ZMAT2: variants seen among roughly 807,000 people sequenced by gnomAD.
ZMAT2 encodes the protein zinc finger matrin-type 2.
In ZMAT2, 5 loss-of-function variants were observed where a neutral mutation model predicts 27.5. The observed-to-expected ratio is 0.18, with a 90% CI of 0.10 to 0.38. ZMAT2 has a LOEUF of 0.38. Among genes scored for constraint, ZMAT2 ranks in the 10% least tolerant of loss-of-function variants. The pLI is 1.00. For synonymous variants in ZMAT2, 76 were observed against 78.6 expected (o/e 0.97, Z 0.17); for missense variants, 124 against 243.9 (o/e 0.51, Z 3.27).
At chr5:140,701,984 T>G (rs1759972247) in intron 2 of ZMAT2, 22 bp from the exon 3 acceptor site, 8 of 1,597,750 alleles carry the variant, frequency 5.0e-6, no homozygotes, top group Non-Finnish European at 6.8e-6. Flanking sequence ...TTGAAGGGAC[T>G]TCCTTCCCCA....
At chr5:140,701,714 C>T (rs1422522278) in intron 2 of ZMAT2, among the ~76,000 whole-genome samples, 1 of 152,176 alleles carries the variant, frequency 6.6e-6, no homozygotes, top group Admixed American at 6.5e-5. Context: ...AAAGTTGCTT[C>T]TAGTAATTCT....
intron 1 of ZMAT2, 89 bp from the exon 2 acceptor site, chr5:140,700,730 G>C: frequency 1.4e-6 from 2 of 1,466,746 alleles, no homozygotes; most frequent in Non-Finnish European, 1.9e-6. Flanking sequence ...AAAACGTCCT[G>C]TAGACACCTG....
rs144725161 is a variant in ZMAT2, at chr5:140,705,693, G to C, written c.537G>C (p.Glu179Asp). 3.7e-6 allele frequency: 6 copies of C among 1,614,032 alleles called. No individual in the cohort carries two copies. The highest frequency in any genetic ancestry group is 5.1e-6 in the Non-Finnish European group (6 of 1,180,028). Residue 179 changes from glutamate to aspartate, a missense_variant, in exon 6 of 6, where the codon GAG becomes GAC. Physicochemically the swap from Glu to Asp is conservative, Grantham distance 45. Coordinates refer to ENST00000274712, the MANE Select transcript of ZMAT2 (RefSeq NM_144723.3). Reference protein sequence around the residue: ...RRAEEDLTFEEDDEMAAVMGF... With the variant: ...RRAEEDLTFEDDDEMAAVMGF... The stretch of plus-strand genomic sequence containing the variant: ...CTGAGGAGGACTTGACATTTGAGGA[G>C]GACGATGAGATGGCAGCTGTGATGG...
chr5:140,700,754 C>T (rs1161146341), intron 1 of ZMAT2, 65 bp from the exon 2 acceptor site: 22 of 1,560,860 alleles, frequency 1.4e-5, no homozygotes, highest in Non-Finnish European at 1.8e-5. Context: ...CGCGAGGGCG[C>T]GGTTCCCTGC....
At chr5:140,700,724 C>A in intron 1 of ZMAT2, 95 bp from the exon 2 acceptor site, 2 of 1,419,386 alleles carry the variant, frequency 1.4e-6, no homozygotes, top group African/African-American at 1.4e-5. Context: ...GCTTTCAAAA[C>A]GTCCTGTAGA....
chr5:140,702,219 G>T, intron 3 of ZMAT2, 90 bp downstream of exon 3: 2 of 1,498,674 alleles, frequency 1.3e-6, no homozygotes, highest in Non-Finnish European at 9.0e-7. Context: ...GAAGGTCCTT[G>T]GCCCCAGGAT....
In ZMAT2 at chr5:140,701,991, C is replaced by A; in HGVS notation, c.113-15C>A. 6.2e-7 allele frequency: 1 copy of A among 1,601,284 alleles called. No homozygotes were observed. Among genetic ancestry groups the A allele is most frequent in the Non-Finnish European group, 8.5e-7 (1 of 1,174,078 alleles). On this transcript the variant is annotated splice_polypyrimidine_tract_variant and intron_variant, in intron 2 of 5. Coordinates refer to ENST00000274712, the MANE Select transcript of ZMAT2 (RefSeq NM_144723.3). Reference sequence around the variant, plus strand: ...CTATAATATTGAAGGGACTTCCTTCCCCATTATGTTTCAGGAAAACCAGTG... The same window carrying A: ...CTATAATATTGAAGGGACTTCCTTCACCATTATGTTTCAGGAAAACCAGTG...
chr5:140,704,669 A>G, intron 5 of ZMAT2, 98 bp downstream of exon 5: 3 of 1,324,296 alleles, frequency 2.3e-6, no homozygotes, highest in Non-Finnish European at 2.1e-6. Flanking sequence ...TCCCACCCCC[A>G]GAGTTGTATC....
At chr5:140,701,642 T>G (rs1167706865) in intron 2 of ZMAT2, among the ~76,000 whole-genome samples, 1 of 152,238 alleles carries the variant, frequency 6.6e-6, no homozygotes, top group African/African-American at 2.4e-5. Flanking sequence ...GAAGGTTCCT[T>G]TCCGTTATGC....
intron 3 of ZMAT2, 60 bp downstream of exon 3, chr5:140,702,189 T>C: frequency 6.3e-7 from 1 of 1,595,072 alleles, no homozygotes; most frequent in Non-Finnish European, 8.6e-7. Context: ...CCACCTATTT[T>C]GGTTTTAGGA....
chr5:140,705,974 C>T lies in ZMAT2; in HGVS notation c.*218C>T, dbSNP rs1442490704. On this transcript the variant is annotated 3_prime_UTR_variant, in exon 6 of 6. Transcript: ENST00000274712. ...GCATATTGCTTCTGCCTCAGTGTATCACTGGAGTCACAGGACCCTGCCCAC... is the reference window on the plus strand; with the variant it reads ...GCATATTGCTTCTGCCTCAGTGTATTACTGGAGTCACAGGACCCTGCCCAC... The T allele has an allele frequency of 3.8e-6, 2 of 523,888 alleles. No homozygotes were observed. The highest frequency in any genetic ancestry group is 3.1e-6 in the Non-Finnish European group (1 of 317,600). The allele number at this position is 523,888 out of a possible 1,614,324, so 32.5% of individuals were successfully genotyped here. A position where few individuals can be genotyped will look rare whatever the true frequency, so the allele number is the denominator to read the frequency against.
chr5:140,705,809 T>C lies in ZMAT2; in HGVS notation c.*53T>C. 6.3e-7 allele frequency: 1 copy of C among 1,590,630 alleles called. No individual in the cohort carries two copies. On this transcript the variant is annotated 3_prime_UTR_variant, in exon 6 of 6. Transcript: ENST00000274712. The stretch of plus-strand genomic sequence containing the variant: ...CCTATGCTGGACCTAACTTTGCGTG[T>C]GTGTGTGTGTAGTAGGGGGTCATTT...
At chr5:140,704,096 G>A in intron 4 of ZMAT2, 105 bp downstream of exon 4, 1 of 1,092,062 alleles carries the variant, frequency 9.2e-7, no homozygotes, top group Admixed American at 2.0e-5. Context: ...ATCAAAAGAT[G>A]GCTGGAGTAA....
chr5:140,704,457 G>C lies in ZMAT2; in HGVS notation c.342G>C (p.Val114=). 1 of 1,614,028 alleles carries C rather than the reference G, an allele frequency of 6.2e-7. No individual in the cohort carries two copies. The highest frequency in any genetic ancestry group is 8.5e-7 in the Non-Finnish European group (1 of 1,179,956). ...GAAACCTGGGCATGTCTATGCGTGT[G>C]GAACGTTCCACCCTGGATCAGGTGA... The part of the protein sequence containing the change: ...HQRNLGMSMR[V]ERSTLDQVKK... Residue 114 remains valine, a synonymous_variant, in exon 5 of 6, where the codon GTG becomes GTC. Coordinates refer to ENST00000274712, the MANE Select transcript of ZMAT2 (RefSeq NM_144723.3).
At chr5:140,703,004 A>T (rs1030005733) in intron 3 of ZMAT2, among the ~76,000 whole-genome samples, 1 of 152,208 alleles carries the variant, frequency 6.6e-6, no homozygotes, top group African/African-American at 2.4e-5. Context: ...TTAGCAGCAT[A>T]AACTACACCA....
Position 140,701,578 on chromosome 5 carries a change from G to T in ZMAT2, c.113-428G>T, listed in dbSNP as rs17119071. ...ATGTAAAATAAATAGTGCTTGACAT[G>T]TAACAGGCATTTCCTAGATGTTGGT... On this transcript the variant is annotated intron_variant, in intron 2 of 5. Coordinates refer to ENST00000274712, the MANE Select transcript of ZMAT2 (RefSeq NM_144723.3). 5.6e-3 allele frequency among the ~76,000 whole-genome samples: 846 copies of T among 152,256 alleles called. 7 individuals are homozygous for T. The highest frequency in any genetic ancestry group is 0.018 in the African/African-American group (765 of 41,540).
chr5:140,702,198 GA>G, intron 3 of ZMAT2, 69 bp downstream of exon 3: 1 of 1,585,026 alleles, frequency 6.3e-7, no homozygotes, highest in East Asian at 2.3e-5. Flanking sequence ...TTGGTTTTAG[GA>G]AGTGTTAAGG....
At chr5:140,701,416 G>T (rs1007197038) in intron 2 of ZMAT2, among the ~76,000 whole-genome samples, 20 of 152,206 alleles carry the variant, frequency 1.3e-4, no homozygotes, top group Non-Finnish European at 4.4e-5. Flanking sequence ...ACATCAGGGA[G>T]TTGGTGCTTC....
intron 4 of ZMAT2, among the ~76,000 whole-genome samples, 175 bp downstream of exon 4, chr5:140,704,166 C>T (rs1017251747): frequency 2.6e-5 from 4 of 151,948 alleles, no homozygotes; most frequent in Non-Finnish European, 5.9e-5. Context: ...CCAGTTGTTT[C>T]AGCACAGGCC....
Sources: allele counts gnomAD v4.1 joint callset (sites outside exome capture counted in the v4.1 genomes callset), GRCh38; gene constraint gnomAD v4.1.1; transcripts MANE v1.5; gene names NCBI Gene and HGNC (gene_info 2026-07-23, HGNC 2026-07-21).